RNF212B: variants seen among roughly 807,000 people sequenced by gnomAD.
RNF212B encodes ring finger protein 212B, also known as E3 ubiquitin-protein ligase RNF212B.
In RNF212B, 52 loss-of-function variants were observed where a neutral mutation model predicts 55.5. The ratio of observed to expected loss-of-function variants is 0.94; its 90% CI spans 0.75 to 1.18. RNF212B has a LOEUF of 1.18. Ranked by LOEUF, RNF212B falls within the 50% of genes most tolerant of loss-of-function variation. The pLI, the probability that RNF212B is intolerant of heterozygous loss-of-function variation, is 0.00. For synonymous variants in RNF212B, 99 were observed against 121.4 expected (o/e 0.82, Z 1.21); for missense variants, 289 against 350.4 (o/e 0.82, Z 1.40).
At chr14:23,264,753 T>G (rs1885553784) in intron 11 of RNF212B, 82 bp downstream of exon 11, 2 of 784,780 alleles carry the variant, frequency 2.5e-6, no homozygotes, top group Non-Finnish European at 3.5e-6. Flanking sequence ...ATGCATAATA[T>G]AATGCCATTT....
In RNF212B at chr14:23,266,404, G is replaced by GTTTTTTTT. The variant is rs57731750; in HGVS notation, c.634+1750_634+1757dup. 1.4e-3 allele frequency among the ~76,000 whole-genome samples: 65 copies of GTTTTTTTT among 46,838 alleles called. 3 individuals are homozygous for GTTTTTTTT. The highest frequency in any genetic ancestry group is 1.9e-3 in the African/African-American group (15 of 7,760). 30.7% of individuals were successfully genotyped at this position (46,838 alleles called of 152,430 possible). A position where few individuals can be genotyped will look rare whatever the true frequency, so the allele number is the denominator to read the frequency against. On this transcript the variant is annotated intron_variant, in intron 11 of 14. Coordinates refer to ENST00000430154, the MANE Select transcript of RNF212B (RefSeq NM_001282322.3). ...TTCAGTGATTTAAATCCTTTTAAAT[G>GTTTTTTTT]TTTTTTTTTTTTTTTTTTTTTTTTG...
At chr14:23,202,207 C>T (rs141278927) in intron 2 of RNF212B, among the ~76,000 whole-genome samples, 3,691 of 147,028 alleles carry the variant, frequency 0.025, 157 homozygotes, top group African/African-American at 0.088. Context: ...GCCGAGATTG[C>T]GCAACTGCAC....
chr14:23,259,946 T>A lies in RNF212B; in HGVS notation c.405+2T>A. On this transcript the variant is annotated splice_donor_variant, in intron 6 of 14. Transcript: ENST00000430154. LOFTEE classifies it high-confidence loss of function. ...AAGAAATTTCTAGCCATTCTAAAGG[T>A]GAATGAAATAGATTTTCCTTATTAT... 1 of 1,424,664 alleles carries A rather than the reference T, an allele frequency of 7.0e-7. No homozygotes were observed. The highest frequency in any genetic ancestry group is 9.5e-7 in the Non-Finnish European group (1 of 1,052,120). 88.3% of individuals were successfully genotyped at this position (1,424,664 alleles called of 1,614,324 possible).
intron 1 of RNF212B, among the ~76,000 whole-genome samples, chr14:23,190,475 C>A (rs1878018614): frequency 6.6e-6 from 1 of 152,190 alleles, no homozygotes; most frequent in Non-Finnish European, 1.5e-5. Flanking sequence ...CTTGACTTAT[C>A]TTTTTCTCAT....
intron 1 of RNF212B, among the ~76,000 whole-genome samples, chr14:23,239,871 G>A (rs1339284522): frequency 2.6e-5 from 4 of 151,700 alleles, no homozygotes; most frequent in African/African-American, 7.3e-5. Context: ...CACCTGCCTC[G>A]GCCTCCCAAA....
chr14:23,265,447 C>T (rs948641196), intron 11 of RNF212B, among the ~76,000 whole-genome samples: 3 of 152,128 alleles, frequency 2.0e-5, no homozygotes, highest in Admixed American at 2.0e-4. Context: ...ACTGTTGTTA[C>T]CATTTTCAAG....
chr14:23,257,026 G>A (rs1207760860), intron 4 of RNF212B, among the ~76,000 whole-genome samples: 1 of 152,118 alleles, frequency 6.6e-6, no homozygotes, highest in East Asian at 1.9e-4. Flanking sequence ...GGTGGCGGAC[G>A]CCTGTAATCC....
At chr14:23,193,091 TAAAAAAAAAAAAAA>T (rs3045528) in intron 1 of RNF212B, among the ~76,000 whole-genome samples, 1 of 113,124 alleles carries the variant, frequency 8.8e-6, no homozygotes. Flanking sequence ...AAACTCTGTC[TAAAAAAAAAAAAAA>T]AAAAAAAAAA....
chr14:23,264,339 C>A, intron 10 of RNF212B, 105 bp downstream of exon 10: 1 of 977,554 alleles, frequency 1.0e-6, no homozygotes, highest in Non-Finnish European at 1.5e-6. Context: ...CATAAATTAT[C>A]TGATGTCATA....
At position 23,194,683 on chromosome 14, in the gene RNF212B, C is replaced by T. The variant is rs1213940020; in HGVS notation, c.-2+1282C>T. On this transcript the variant is annotated intron_variant, in intron 2 of 15. Coordinates refer to the RNF212B transcript ENST00000399910. The stretch of plus-strand genomic sequence containing the variant: ...CCGGGAGATGGAGGTTGCAGTGAGC[C>T]GAGATCGTGCCACTGCACTCCAGCT... Among the ~76,000 whole-genome samples, 7 of 131,164 alleles carry T rather than the reference C, an allele frequency of 5.3e-5. No homozygotes were observed. In the Admixed American group the frequency reaches 6.8e-4, roughly 13 times the overall value. The allele number at this position is 131,164 out of a possible 152,430, so 86.0% of individuals were successfully genotyped here.
rs868838778 is a variant in RNF212B at position 23,242,076 on chromosome 14, C to T, written c.101-1180C>T. On this transcript the variant is annotated intron_variant, in intron 2 of 14. Coordinates refer to ENST00000430154, the MANE Select transcript of RNF212B (RefSeq NM_001282322.3). Reference sequence around the variant, plus strand: ...CAGCCTGGGCGACAGAGCAAGACTCCGTCTCAAAAAAAAAAAAAAAAAAAA... The same window carrying T: ...CAGCCTGGGCGACAGAGCAAGACTCTGTCTCAAAAAAAAAAAAAAAAAAAA... Among the ~76,000 whole-genome samples, 41 of 75,626 alleles carry T rather than the reference C, an allele frequency of 5.4e-4. 2 individuals are homozygous for T. In the South Asian group the frequency reaches 0.019, roughly 36 times the overall value. 49.6% of individuals were successfully genotyped at this position (75,626 alleles called of 152,430 possible).
At chr14:23,188,766 G>C (rs572814806) in intron 1 of RNF212B, among the ~76,000 whole-genome samples, 4 of 152,112 alleles carry the variant, frequency 2.6e-5, no homozygotes, top group African/African-American at 9.6e-5. Context: ...CACTGTGCTG[G>C]GCCTCAGGTT....
At chr14:23,226,242 G>A (rs1424310105) in intron 2 of RNF212B, among the ~76,000 whole-genome samples, 1 of 145,282 alleles carries the variant, frequency 6.9e-6, no homozygotes, top group Non-Finnish European at 1.5e-5. Flanking sequence ...AGGTTGCAGT[G>A]AGCCAAGATC....
chr14:23,204,202 T>G (rs1412134023), intron 2 of RNF212B, among the ~76,000 whole-genome samples: 1 of 152,254 alleles, frequency 6.6e-6, no homozygotes, highest in Non-Finnish European at 1.5e-5. Context: ...CTGTTCCTTT[T>G]GCCGTGCAAA....
intron 2 of RNF212B, among the ~76,000 whole-genome samples, chr14:23,200,526 A>G (rs1879190244): frequency 6.6e-6 from 1 of 152,082 alleles, no homozygotes; most frequent in Non-Finnish European, 1.5e-5. Context: ...GGGTTTCACC[A>G]TGTTGGCCAG....
intron 9 of RNF212B, 33 bp from the exon 10 acceptor site, chr14:23,264,141 G>T: frequency 6.7e-7 from 1 of 1,486,470 alleles, no homozygotes; most frequent in Admixed American, 2.3e-5. Context: ...TAGGTTTTTT[G>T]CCTTTTTTTT....
chr14:23,264,134 G>GT (rs1450574403), intron 9 of RNF212B, 40 bp from the exon 10 acceptor site: 7 of 1,473,528 alleles, frequency 4.8e-6, no homozygotes, highest in Admixed American at 2.2e-5. Flanking sequence ...GTAAAACTAG[G>GT]TTTTTTGCCT....
At chr14:23,242,095 A>AAAAAG (rs1566423185) in intron 2 of RNF212B, among the ~76,000 whole-genome samples, 3 of 130,156 alleles carry the variant, frequency 2.3e-5, no homozygotes, top group African/African-American at 8.4e-5. Context: ...AAAAAAAAAA[A>AAAAAG]AAAAAAAAAA....
chr14:23,243,231 A>T (rs1188600419), intron 2 of RNF212B, 25 bp from the exon 3 acceptor site: 3 of 1,544,886 alleles, frequency 1.9e-6, no homozygotes, highest in Non-Finnish European at 1.7e-6. Flanking sequence ...TGAGAGCCAA[A>T]TATTTTTTTC....
Sources: gnomAD v4.1 joint callset for allele counts (sites outside exome capture counted in the v4.1 genomes callset) on GRCh38, gnomAD v4.1.1 for gene constraint, MANE v1.5 for transcripts, NCBI Gene and HGNC (gene_info 2026-07-23, HGNC 2026-07-21) for gene names.